Variants in ROS1 observed in about 807,000 individuals in gnomAD.
ROS1 encodes ROS proto-oncogene 1, receptor tyrosine kinase, also known as proto-oncogene tyrosine-protein kinase ROS.
In ROS1, 263 loss-of-function variants were observed where a neutral mutation model predicts 273.5. The observed-to-expected ratio is 0.96, with a 90% CI of 0.87 to 1.06. The LOEUF (loss-of-function observed/expected upper bound fraction) is 1.06, where lower values mean the gene tolerates loss of function less well. Ranked by LOEUF, ROS1 falls within the 50% of genes least tolerant of loss-of-function variation. The probability of loss-of-function intolerance (pLI) is 0.00; values close to 1 mark genes in which losing one functional copy is unlikely to be tolerated. For synonymous variants in ROS1, 1,008 were observed against 954.1 expected (o/e 1.06, Z -1.04); for missense variants, 2,833 against 2,751.1 (o/e 1.03, Z -0.67).
intron 21 of ROS1, among the ~76,000 whole-genome samples, chr6:117,364,718 A>G (rs1025220178): frequency 3.3e-5 from 5 of 152,228 alleles, no homozygotes; most frequent in African/African-American, 1.2e-4. Flanking sequence ...GTTCCCATCT[A>G]TGAGAACAGT....
chr6:117,411,647 C>A (rs183380382), intron 4 of ROS1, among the ~76,000 whole-genome samples: 140 of 152,264 alleles, frequency 9.2e-4, no homozygotes, highest in African/African-American at 3.0e-3. Flanking sequence ...TGCCAGTGCC[C>A]TTTCCAGCTT....
At chr6:117,311,174 CAT>C (rs1217065664) in intron 39 of ROS1, 57 bp from the exon 40 acceptor site, 2 of 979,676 alleles carry the variant, frequency 2.0e-6, no homozygotes, top group African/African-American at 3.3e-5. Flanking sequence ...GAAATATATA[CAT>C]ATATGTGTGA....
At chr6:117,326,098 T>G (rs1340706225) in intron 34 of ROS1, 126 bp downstream of exon 34, 1 of 93,208 alleles carries the variant, frequency 1.1e-5, no homozygotes, top group Non-Finnish European at 2.2e-5. Flanking sequence ...AGATTATATA[T>G]ATATATATAT....
Position 117,387,828 on chromosome 6 carries a change from T to G in ROS1, c.1951A>C (p.Arg651=). ...GAGGGCTCTGACCAGGGGCCTGGCC[T>G]CTTTGGAGAACTTGCTCTCACAGAA... is the stretch of plus-strand genomic sequence containing the variant. ...KVSVRASSPK[R]PGPWSEPSVG... The change falls in exon 14 of 44, where the codon AGG becomes CGG. Residue 651 remains arginine, a synonymous_variant. Coordinates refer to ENST00000368507, the MANE Select transcript of ROS1 (RefSeq NM_001378902.1). 1.2e-6 allele frequency: 2 copies of G among 1,614,162 alleles called. No homozygotes were observed. Among genetic ancestry groups the G allele is most frequent in the Non-Finnish European group, 1.7e-6 (2 of 1,180,012 alleles).
intron 18 of ROS1, among the ~76,000 whole-genome samples, chr6:117,370,991 A>T (rs1780716040): frequency 6.6e-6 from 1 of 152,206 alleles, no homozygotes; most frequent in African/African-American, 2.4e-5. Context: ...TAGATTGTGT[A>T]AAAAAGCAAC....
intron 18 of ROS1, among the ~76,000 whole-genome samples, chr6:117,373,687 C>T (rs567305251): frequency 1.1e-4 from 17 of 152,328 alleles, no homozygotes; most frequent in African/African-American, 3.8e-4. Context: ...TCCGCACAAG[C>T]AGAGGGAGCT....
At chr6:117,335,105 T>C (rs574285970) in intron 32 of ROS1, among the ~76,000 whole-genome samples, 1 of 152,174 alleles carries the variant, frequency 6.6e-6, no homozygotes, top group African/African-American at 2.4e-5. Flanking sequence ...GACAAAGGGC[T>C]AATATCCAGA....
chr6:117,388,854 G>T (rs1352618668), intron 13 of ROS1, among the ~76,000 whole-genome samples: 1 of 152,174 alleles, frequency 6.6e-6, no homozygotes, highest in African/African-American at 2.4e-5. Context: ...GAGACACAGA[G>T]TGGTTTAGTA....
intron 4 of ROS1, among the ~76,000 whole-genome samples, chr6:117,412,386 T>A (rs1328079352): frequency 6.6e-6 from 1 of 152,174 alleles, no homozygotes; most frequent in Admixed American, 6.6e-5. Context: ...ATCTAATTTG[T>A]GTTTTAATTA....
At chr6:117,407,364 T>G (rs568788931) in intron 5 of ROS1, among the ~76,000 whole-genome samples, 80 of 152,328 alleles carry the variant, frequency 5.3e-4, no homozygotes, top group African/African-American at 1.9e-3. Context: ...GCTGGCCTGT[T>G]AGAAACTACT....
intron 18 of ROS1, among the ~76,000 whole-genome samples, chr6:117,366,719 G>A (rs1780276250): frequency 6.6e-6 from 1 of 152,056 alleles, no homozygotes; most frequent in African/African-American, 2.4e-5. Context: ...TTCACATGTT[G>A]GCCAGGCTGG....
intron 14 of ROS1, 78 bp from the exon 15 acceptor site, chr6:117,387,077 T>C: frequency 1.5e-6 from 1 of 676,764 alleles, no homozygotes; most frequent in Non-Finnish European, 2.6e-6. Context: ...CTTATATCTA[T>C]GCCTTATATC....
intron 35 of ROS1, among the ~76,000 whole-genome samples, chr6:117,322,505 C>T (rs1252417961): frequency 6.6e-6 from 1 of 152,104 alleles, no homozygotes; most frequent in Non-Finnish European, 1.5e-5. Context: ...TCTTAACTCC[C>T]TCATTAAATG....
intron 42 of ROS1, among the ~76,000 whole-genome samples, chr6:117,302,162 C>T (rs757123698): frequency 1.1e-4 from 16 of 152,170 alleles, no homozygotes; most frequent in Non-Finnish European, 2.2e-4. Context: ...TTCAGAGTCC[C>T]TACCTAGCAT....
chr6:117,380,016 C>T (rs913747637), intron 17 of ROS1, among the ~76,000 whole-genome samples: 4 of 152,102 alleles, frequency 2.6e-5, no homozygotes, highest in Non-Finnish European at 5.9e-5. Context: ...TGAGATATGG[C>T]ATAGAATCCA....
intron 31 of ROS1, among the ~76,000 whole-genome samples, chr6:117,339,524 C>T (rs1028929373): frequency 6.6e-6 from 1 of 152,258 alleles, no homozygotes; most frequent in African/African-American, 2.4e-5. Flanking sequence ...GCTGTCCTGT[C>T]ATTGTGAGAT....
In ROS1 at chr6:117,383,420, C is replaced by G; in HGVS notation, c.2378G>C (p.Gly793Ala). ...GAGTGTGGTCCAGTAGAGATATCCACCAACTGAATCCACCACCATGTCATT... is the reference window on the plus strand; with the variant it reads ...GAGTGTGGTCCAGTAGAGATATCCAGCAACTGAATCCACCACCATGTCATT... ...LVNDMVVDSVGGYLYWTTLYS... is the reference protein window; with the variant it reads ...LVNDMVVDSVAGYLYWTTLYS... Residue 793 changes from glycine to alanine, a missense_variant, in exon 17 of 44, where the codon GGT (glycine) becomes GCT (alanine). Physicochemically the swap from Gly to Ala is moderately conservative, Grantham distance 60. Transcript: ENST00000368507. 6.2e-7 allele frequency: 1 copy of G among 1,613,994 alleles called. No individual in the cohort carries two copies. The highest frequency in any genetic ancestry group is 8.5e-7 in the Non-Finnish European group (1 of 1,179,878).
At chr6:117,419,377 A>C (rs1339943562) in intron 1 of ROS1, among the ~76,000 whole-genome samples, 1 of 152,212 alleles carries the variant, frequency 6.6e-6, no homozygotes, top group Non-Finnish European at 1.5e-5. Context: ...GTTGACTTGA[A>C]AAGTAATCAG....
chr6:117,307,130 A>G (rs1325717351), intron 42 of ROS1, among the ~76,000 whole-genome samples: 2 of 152,068 alleles, frequency 1.3e-5, no homozygotes, highest in Admixed American at 1.3e-4. Context: ...TGCATTTTTT[A>G]TACCTTTAGA....
Sources: allele counts gnomAD v4.1 joint callset (sites outside exome capture counted in the v4.1 genomes callset), GRCh38; gene constraint gnomAD v4.1.1; transcripts MANE v1.5; gene names NCBI Gene and HGNC (gene_info 2026-07-23, HGNC 2026-07-21).